CALN1: variants seen among roughly 807,000 people sequenced by gnomAD.
CALN1 encodes calneuron 1, also known as calcium-binding protein 8.
CALN1 carries 17 observed loss-of-function variants against 30.6 expected under a neutral mutation model. The observed-to-expected ratio is 0.56, with a 90% CI of 0.38 to 0.83. The LOEUF is 0.83. CALN1 is among the 40% of genes least tolerant of loss of function. The pLI, the probability that CALN1 is intolerant of heterozygous loss-of-function variation, is 0.00. For synonymous variants in CALN1, 156 were observed against 131.4 expected, an observed-to-expected ratio of 1.19 and a Z score of -1.28; for missense variants, 291 against 354.9, an observed-to-expected ratio of 0.82 and a Z score of 1.45.
chr7:72,216,679 C>G (rs1184752938), intron 3 of CALN1, among the ~76,000 whole-genome samples: 1 of 152,100 alleles, frequency 6.6e-6, no homozygotes, highest in Non-Finnish European at 1.5e-5. Flanking sequence ...CACCTCTGAT[C>G]CCAAAATAAA....
intron 1 of CALN1, among the ~76,000 whole-genome samples, chr7:72,410,544 G>C (rs1012278631): frequency 6.6e-6 from 1 of 152,166 alleles, no homozygotes; most frequent in Non-Finnish European, 1.5e-5. Context: ...GTCCACATCT[G>C]AAAACTGAAA....
chr7:72,280,810 A>C (rs371371878), intron 2 of CALN1, among the ~76,000 whole-genome samples: 3 of 152,302 alleles, frequency 2.0e-5, no homozygotes, highest in East Asian at 3.9e-4. Flanking sequence ...CTGTTATTGC[A>C]GGCATAGGTT....
chr7:72,379,974 C>T (rs1359715619), intron 2 of CALN1, among the ~76,000 whole-genome samples: 1 of 152,168 alleles, frequency 6.6e-6, no homozygotes, highest in Non-Finnish European at 1.5e-5. Flanking sequence ...CAACTCTTAC[C>T]ATGCAAGAAA....
rs1562787863 is a variant in CALN1 at position 71,798,105 on chromosome 7, GAGAGAC to G, written c.659-10209_659-10204del. Among the ~76,000 whole-genome samples the G allele has an allele frequency of 7.7e-3, 709 of 91,584 alleles. 9 individuals carry two copies. The highest frequency in any genetic ancestry group is 0.015 in the South Asian group (30 of 1,968). The allele number at this position is 91,584 out of a possible 152,430, so 60.1% of individuals were successfully genotyped here. ...AGAGAGAGACAGAGAGAGAGACAGAGAGAGACAGAGACAGAGACAGAGAGAGAGAGA... is the reference window on the plus strand; with the variant it reads ...AGAGAGAGACAGAGAGAGAGACAGAGAGAGACAGAGACAGAGAGAGAGAGA... On this transcript the variant is annotated intron_variant, in intron 6 of 6. Coordinates refer to ENST00000395275, the MANE Select transcript of CALN1 (RefSeq NM_031468.4).
In CALN1 at chr7:71,958,092, GA is replaced by G. The variant is rs796711704; in HGVS notation, c.501+65564del. ...AAAAAAAAAAAAAAAAAGAAAGAAA[GA>G]AAAAAAAAGAAAAAGAAAAAAAAAG... On this transcript the variant is annotated intron_variant, in intron 5 of 6. Transcript: ENST00000395275. Among the ~76,000 whole-genome samples the G allele has an allele frequency of 2.6e-3, 340 of 130,046 alleles. 1 individual carries two copies. Among genetic ancestry groups the G allele is most frequent in the African/African-American group, 9.4e-3 (329 of 35,116 alleles). 85.3% of individuals were successfully genotyped at this position (130,046 alleles called of 152,430 possible).
chr7:72,047,552 G>C (rs1266747363), intron 4 of CALN1, among the ~76,000 whole-genome samples: 1 of 152,154 alleles, frequency 6.6e-6, no homozygotes, highest in Non-Finnish European at 1.5e-5. Context: ...TCACACCACT[G>C]CACCGCAGTC....
chr7:71,997,406 T>C (rs746985951), intron 5 of CALN1, among the ~76,000 whole-genome samples: 15 of 151,474 alleles, frequency 9.9e-5, no homozygotes, highest in Non-Finnish European at 1.6e-4. Flanking sequence ...AGAAAGAAAA[T>C]AGATGAAATG....
In CALN1 at chr7:72,281,395, G is replaced by C. The variant is rs117409939; in HGVS notation, c.120-2585C>G. On this transcript the variant is annotated intron_variant, in intron 2 of 6. Transcript: ENST00000395275. ...GAGACATCCATGGTCCAGAAAATGA[G>C]ATGTCAACCCTGGCTAACACTTCTT... 1.5e-3 allele frequency among the ~76,000 whole-genome samples: 236 copies of C among 152,264 alleles called. 2 individuals carry two copies. The East Asian group carries it at 0.042, about 27-fold the overall frequency.
intron 5 of CALN1, among the ~76,000 whole-genome samples, chr7:71,847,151 T>C (rs1001100793): frequency 2.6e-5 from 4 of 151,646 alleles, no homozygotes; most frequent in African/African-American, 9.7e-5. Flanking sequence ...CTTCTCTTGG[T>C]GAATTCCCTT....
chr7:72,410,315 T>G (rs1562957089), intron 1 of CALN1, among the ~76,000 whole-genome samples: 1 of 152,244 alleles, frequency 6.6e-6, no homozygotes, highest in African/African-American at 2.4e-5. Context: ...GGCCATCATT[T>G]TGAATATCTT....
At chr7:72,302,974 G>C (rs945225946) in intron 2 of CALN1, among the ~76,000 whole-genome samples, 1 of 149,428 alleles carries the variant, frequency 6.7e-6, no homozygotes, top group African/African-American at 2.5e-5. Context: ...CACAGAGACT[G>C]AGGCAGAAGG....
chr7:72,109,548 T>G (rs1428657832), intron 3 of CALN1, among the ~76,000 whole-genome samples: 1 of 152,236 alleles, frequency 6.6e-6, no homozygotes, highest in Admixed American at 6.5e-5. Context: ...TCAAGGCGTT[T>G]GTCTGCATTT....
intron 5 of CALN1, among the ~76,000 whole-genome samples, chr7:71,812,688 C>T (rs560141468): frequency 7.9e-5 from 12 of 151,952 alleles, no homozygotes; most frequent in African/African-American, 1.9e-4. Flanking sequence ...TTTTTTTTCT[C>T]GTAATGATCT....
At chr7:72,205,551 A>AAATATATACATATATATGTATAT in intron 3 of CALN1, among the ~76,000 whole-genome samples, 14 of 83,044 alleles carry the variant, frequency 1.7e-4, no homozygotes, top group Non-Finnish European at 2.2e-4. Context: ...GCAAAAAAAA[A>AAATATATACATATATATGTATAT]ATATATATAT....
chr7:72,416,882 G>A (rs1052607856), upstream of CALN1, among the ~76,000 whole-genome samples: 3 of 152,168 alleles, frequency 2.0e-5, no homozygotes, highest in African/African-American at 7.2e-5. Flanking sequence ...AGCTGGGCTG[G>A]GCTAGGCCAG....
At chr7:72,336,922 C>A in intron 2 of CALN1, 1 of 985,096 alleles carries the variant, frequency 1.0e-6, no homozygotes, top group Non-Finnish European at 1.2e-6. Context: ...GCTCCCCACG[C>A]GCGCGCCGGG....
At chr7:72,048,349 C>G (rs1378780309) in intron 4 of CALN1, among the ~76,000 whole-genome samples, 1 of 152,044 alleles carries the variant, frequency 6.6e-6, no homozygotes, top group Non-Finnish European at 1.5e-5. Flanking sequence ...CATATCTCTT[C>G]TTAATCATCC....
At chr7:72,263,020 G>T (rs921862973) in intron 3 of CALN1, among the ~76,000 whole-genome samples, 1 of 152,150 alleles carries the variant, frequency 6.6e-6, no homozygotes, top group Non-Finnish European at 1.5e-5. Flanking sequence ...GGCCTGTCCT[G>T]GCAGAACAAT....
intron 4 of CALN1, among the ~76,000 whole-genome samples, chr7:72,026,903 C>A (rs1358933105): frequency 6.8e-6 from 1 of 146,254 alleles, no homozygotes; most frequent in Non-Finnish European, 1.5e-5. Context: ...CGTGGCTCCA[C>A]GTCTTGGATA....
Sources: allele counts gnomAD v4.1 joint callset (sites outside exome capture counted in the v4.1 genomes callset), GRCh38; gene constraint gnomAD v4.1.1; transcripts MANE v1.5; gene names NCBI Gene and HGNC (gene_info 2026-07-23, HGNC 2026-07-21).